NSMCE2: variants seen among roughly 807,000 people sequenced by gnomAD.
NSMCE2 encodes NSE2 SUMO ligase component of SMC5/6 complex, also known as E3 SUMO-protein ligase NSE2.
NSMCE2 carries 24 observed loss-of-function variants against 23.8 expected under a neutral mutation model. The observed-to-expected ratio is 1.01, with a 90% CI of 0.73 to 1.42. The LOEUF (loss-of-function observed/expected upper bound fraction) is 1.42, where lower values mean the gene tolerates loss of function less well. Ranked by LOEUF, NSMCE2 falls within the 40% of genes most tolerant of loss-of-function variation. The pLI is 0.00. For missense variants in NSMCE2, 284 were observed against 296.5 expected (o/e 0.96, Z 0.31); for synonymous variants, 92 against 94.1 (o/e 0.98, Z 0.13).
At chr8:125,150,398 CTTTTTTCT>C (rs1309347408) in intron 3 of NSMCE2, among the ~76,000 whole-genome samples, 4 of 102,800 alleles carry the variant, frequency 3.9e-5, no homozygotes, top group African/African-American at 1.1e-4. Flanking sequence ...CTTTGGTTTT[CTTTTTTCT>C]TTTTTTCTTT....
At chr8:125,304,734 G>C in intron 5 of NSMCE2, among the ~76,000 whole-genome samples, 1 of 151,962 alleles carries the variant, frequency 6.6e-6, no homozygotes, top group East Asian at 1.9e-4. Flanking sequence ...GCATGGGCCT[G>C]TAATCCCAGC....
At chr8:125,266,474 ACTGT>A (rs749879589) in intron 5 of NSMCE2, among the ~76,000 whole-genome samples, 15 of 152,342 alleles carry the variant, frequency 9.8e-5, no homozygotes, top group Admixed American at 2.6e-4. Flanking sequence ...CACAATTAAC[ACTGT>A]CTGTATTCAC....
At chr8:125,243,043 G>GA (rs1825818978) in intron 5 of NSMCE2, among the ~76,000 whole-genome samples, 2 of 151,840 alleles carry the variant, frequency 1.3e-5, no homozygotes, top group African/African-American at 2.4e-5. Flanking sequence ...AAGCAATGTG[G>GA]AAAAAAAATC....
intron 3 of NSMCE2, among the ~76,000 whole-genome samples, chr8:125,110,675 C>T (rs1247716011): frequency 6.7e-6 from 1 of 150,042 alleles, no homozygotes; most frequent in African/African-American, 2.5e-5. Flanking sequence ...CATTACACTT[C>T]ATAAAAAATG....
intron 1 of NSMCE2, among the ~76,000 whole-genome samples, chr8:125,101,801 A>G (rs925562960): frequency 3.9e-5 from 6 of 152,222 alleles, no homozygotes; most frequent in East Asian, 3.8e-4. Flanking sequence ...CACCAAGTCT[A>G]TTAATCTGTT....
chr8:125,107,187 T>TC, intron 3 of NSMCE2, among the ~76,000 whole-genome samples: 1 of 120,208 alleles, frequency 8.3e-6, no homozygotes, highest in Admixed American at 7.6e-5. Flanking sequence ...TCAAGGACAT[T>TC]CTTTTTTTTT....
chr8:125,185,225 A>G (rs1006492182), intron 5 of NSMCE2, among the ~76,000 whole-genome samples: 1 of 152,162 alleles, frequency 6.6e-6, no homozygotes, highest in Non-Finnish European at 1.5e-5. Flanking sequence ...CTGGCAGTGC[A>G]CCAGCTGTAA....
chr8:125,143,667 A>G (rs752194426), intron 3 of NSMCE2, among the ~76,000 whole-genome samples: 3 of 152,244 alleles, frequency 2.0e-5, no homozygotes, highest in Admixed American at 2.0e-4. Flanking sequence ...GCTTTGTAGA[A>G]TAAAAAACAT....
intron 5 of NSMCE2, among the ~76,000 whole-genome samples, chr8:125,293,622 G>A (rs544998072): frequency 7.4e-6 from 1 of 134,370 alleles, no homozygotes; most frequent in Admixed American, 7.0e-5. Context: ...AGAGGTAACA[G>A]GATTACCCTA....
intron 5 of NSMCE2, among the ~76,000 whole-genome samples, chr8:125,221,495 C>T (rs1439758070): frequency 1.3e-5 from 2 of 152,236 alleles, no homozygotes; most frequent in Non-Finnish European, 2.9e-5. Context: ...CCACCTGCCT[C>T]AGCTTCCCAA....
At chr8:125,107,159 C>G (rs1818503286) in intron 3 of NSMCE2, among the ~76,000 whole-genome samples, 2 of 147,520 alleles carry the variant, frequency 1.4e-5, no homozygotes. Flanking sequence ...GTGAATTGTT[C>G]TATATTGTAC....
At chr8:125,264,490 T>C (rs1351064622) in intron 5 of NSMCE2, among the ~76,000 whole-genome samples, 3 of 152,184 alleles carry the variant, frequency 2.0e-5, no homozygotes, top group African/African-American at 7.2e-5. Context: ...TACTGCAGTC[T>C]CTGCCTCCTG....
At chr8:125,144,538 G>A (rs761770271) in intron 3 of NSMCE2, among the ~76,000 whole-genome samples, 24 of 152,198 alleles carry the variant, frequency 1.6e-4, no homozygotes, top group Non-Finnish European at 3.1e-4. Flanking sequence ...TGCTACATAA[G>A]GACCGTATTG....
At chr8:125,250,491 G>A (rs1003051940) in intron 5 of NSMCE2, among the ~76,000 whole-genome samples, 1 of 152,058 alleles carries the variant, frequency 6.6e-6, no homozygotes, top group African/African-American at 2.4e-5. Flanking sequence ...TTTCCTTACT[G>A]TAAGTAAACA....
chr8:125,276,722 T>G (rs1827463680), intron 5 of NSMCE2, among the ~76,000 whole-genome samples: 1 of 152,234 alleles, frequency 6.6e-6, no homozygotes, highest in African/African-American at 2.4e-5. Context: ...TGTATTTTTG[T>G]TTGTTTCATC....
intron 5 of NSMCE2, among the ~76,000 whole-genome samples, chr8:125,195,808 T>G (rs1823584726): frequency 6.6e-6 from 1 of 152,102 alleles, no homozygotes; most frequent in Non-Finnish European, 1.5e-5. Context: ...GCTCAAGTAC[T>G]GTCTTTCAGA....
At chr8:125,155,427 G>A (rs1224380653) in intron 4 of NSMCE2, among the ~76,000 whole-genome samples, 1 of 152,076 alleles carries the variant, frequency 6.6e-6, no homozygotes, top group Non-Finnish European at 1.5e-5. Flanking sequence ...GCCAGAGAAG[G>A]CCTACCTTTA....
At chr8:125,205,910 G>A (rs1254822506) in intron 5 of NSMCE2, among the ~76,000 whole-genome samples, 1 of 152,130 alleles carries the variant, frequency 6.6e-6, no homozygotes, top group African/African-American at 2.4e-5. Flanking sequence ...TAAAATGTGT[G>A]CCAAAACTCT....
intron 5 of NSMCE2, among the ~76,000 whole-genome samples, chr8:125,260,044 A>T (rs1826620998): frequency 6.6e-6 from 1 of 152,214 alleles, no homozygotes; most frequent in East Asian, 1.9e-4. Context: ...TTCTGGGATA[A>T]ATATTTTATT....
Sources: gnomAD v4.1 joint callset for allele counts (sites outside exome capture counted in the v4.1 genomes callset) on GRCh38, gnomAD v4.1.1 for gene constraint, MANE v1.5 for transcripts, NCBI Gene and HGNC (gene_info 2026-07-23, HGNC 2026-07-21) for gene names.